The following OSBPL9 variants were observed in gnomAD, a reference collection of about 807,000 sequenced individuals.
OSBPL9 encodes oxysterol-binding protein-related protein 9.
Under a neutral mutation model 106.6 loss-of-function variants are expected in OSBPL9, and 40 were observed. That is an observed-to-expected ratio of 0.38 (90% CI 0.29 to 0.49). The LOEUF is 0.49. OSBPL9 is among the 20% of genes least tolerant of loss of function. The pLI is 0.97. For missense variants in OSBPL9, 609 were observed against 887.2 expected (o/e 0.69, Z 3.98); for synonymous variants, 269 against 295.4 (o/e 0.91, Z 0.92).
Position 51,729,676 on chromosome 1 carries a change from C to G in OSBPL9, c.318+15597C>G. The G allele has an allele frequency of 2.1e-6, 1 of 470,550 alleles. No individual in the cohort carries two copies. The highest frequency in any genetic ancestry group is 3.2e-6 in the Non-Finnish European group (1 of 311,942). 29.1% of individuals were successfully genotyped at this position (470,550 alleles called of 1,614,324 possible). A position where few individuals can be genotyped will look rare whatever the true frequency, so the allele number is the denominator to read the frequency against. ...GCCTCTCCACCCAAAACTGGCCCAA[C>G]CGCCAATCGTCTGCCTCTCACCTCC... On this transcript the variant is annotated intron_variant, in intron 4 of 23. Coordinates refer to ENST00000428468, the MANE Select transcript of OSBPL9 (RefSeq NM_024586.6). The surrounding 1 kb of genome is among the most constrained non-coding windows in gnomAD (Gnocchi z 5.1).
At chr1:51,546,531 A>T in the OSBPL9 span, among the ~76,000 whole-genome samples, 7 of 152,158 alleles carry the variant, frequency 4.6e-5, no homozygotes, top group African/African-American at 1.7e-4. Flanking sequence ...ACCTGTCTCT[A>T]CTAAAAATAC....
chr1:51,769,375 C>T (rs1041877580), intron 12 of OSBPL9, among the ~76,000 whole-genome samples: 5 of 152,120 alleles, frequency 3.3e-5, no homozygotes, highest in Non-Finnish European at 5.9e-5. Context: ...GATAAAAGTA[C>T]ATGTTGGAAA....
At chr1:51,744,893 C>CTAAA (rs1483143799) in intron 4 of OSBPL9, among the ~76,000 whole-genome samples, 1 of 152,148 alleles carries the variant, frequency 6.6e-6, no homozygotes, top group Non-Finnish European at 1.5e-5. Flanking sequence ...AGTAGGCCTT[C>CTAAA]TAAATAAATA....
At chr1:51,531,403 T>A in the OSBPL9 span, among the ~76,000 whole-genome samples, 3 of 152,190 alleles carry the variant, frequency 2.0e-5, no homozygotes, top group Non-Finnish European at 4.4e-5. Flanking sequence ...ATAATCCAGA[T>A]ATGATGATGG....
At chr1:51,614,952 C>T (rs1570544964), upstream of OSBPL9, among the ~76,000 whole-genome samples, 1 of 152,140 alleles carries the variant, frequency 6.6e-6, no homozygotes, top group South Asian at 2.1e-4. Context: ...AGCTTTGAGC[C>T]TCTCCTCAAC....
At chr1:51,602,810 G>A (rs1355353678) in intron 2 of OSBPL9, among the ~76,000 whole-genome samples, 2 of 152,088 alleles carry the variant, frequency 1.3e-5, no homozygotes, top group African/African-American at 4.8e-5. Flanking sequence ...CTGGCACAAG[G>A]ACTAGCATGC....
intron 2 of OSBPL9, among the ~76,000 whole-genome samples, chr1:51,656,406 A>G (rs1003888919): frequency 6.6e-6 from 1 of 152,030 alleles, no homozygotes; most frequent in South Asian, 2.1e-4. Context: ...CCCATCCTAT[A>G]TTTGAATCAC....
At chr1:51,682,527 A>T (rs1317780333) in intron 3 of OSBPL9, among the ~76,000 whole-genome samples, 1 of 152,082 alleles carries the variant, frequency 6.6e-6, no homozygotes, top group Non-Finnish European at 1.5e-5. Context: ...TGGGAGGCCG[A>T]GGCAGGCAGA....
chr1:51,654,772 T>C (rs1379544432), intron 2 of OSBPL9, among the ~76,000 whole-genome samples: 2 of 152,126 alleles, frequency 1.3e-5, no homozygotes, highest in African/African-American at 2.4e-5. Context: ...TGCTGCAACA[T>C]AGATGAACCT....
intron 17 of OSBPL9, among the ~76,000 whole-genome samples, chr1:51,782,855 A>G (rs746853638): frequency 3.3e-5 from 5 of 152,186 alleles, no homozygotes; most frequent in African/African-American, 7.2e-5. Context: ...GTGCGTATAA[A>G]AAGAAGGGAT....
At position 51,595,316 on chromosome 1, in the gene OSBPL9, G is replaced by A. The variant is rs115902880; in HGVS notation, c.-422-2808G>A. 6.8e-3 allele frequency among the ~76,000 whole-genome samples: 1,039 copies of A among 152,174 alleles called. 10 individuals carry two copies. The highest frequency in any genetic ancestry group is 0.021 in the African/African-American group (872 of 41,502). ...GTTGAAGTCGCTCTCACTTGATTCC[G>A]TTCGTCATCTCTCTGTCCCTCCATC... On this transcript the variant is annotated intron_variant, in intron 1 of 25. Transcript: ENST00000371714.
At chr1:51,605,568 C>T (rs919777681) in intron 2 of OSBPL9, among the ~76,000 whole-genome samples, 9 of 151,902 alleles carry the variant, frequency 5.9e-5, no homozygotes, top group Admixed American at 4.6e-4. Flanking sequence ...CAGAAATGTC[C>T]CAAGGATCAA....
At chr1:51,728,947 G>C (rs991067338) in intron 4 of OSBPL9, among the ~76,000 whole-genome samples, 1 of 152,174 alleles carries the variant, frequency 6.6e-6, no homozygotes, top group African/African-American at 2.4e-5. Flanking sequence ...GGGATAGGAA[G>C]ATACCTAACC....
intron 3 of OSBPL9, chr1:51,669,721 T>TA: frequency 1.5e-6 from 1 of 659,192 alleles, no homozygotes; most frequent in Non-Finnish European, 2.8e-6. Context: ...ACTGTGGATC[T>TA]GGCTGCAGTT....
chr1:51,618,052 C>T (rs1644187563), intron 1 of OSBPL9, among the ~76,000 whole-genome samples: 1 of 150,812 alleles, frequency 6.6e-6, no homozygotes. Context: ...GAGTCTCGCC[C>T]TGTTGCCCAG....
Position 51,761,984 on chromosome 1 carries a change from A to C in OSBPL9, c.778+13A>C. ...CCAAATAGTACAGGTACAGATTTGC[A>C]TAATTTCTTTATGTCTCATAACTCT... is the stretch of plus-strand genomic sequence containing the variant. On this transcript the variant is annotated intron_variant, in intron 11 of 23. Transcript: ENST00000428468. 6 of 1,557,132 alleles carry C rather than the reference A, an allele frequency of 3.9e-6. No homozygotes were observed. The highest frequency in any genetic ancestry group is 5.3e-6 in the Non-Finnish European group (6 of 1,128,366).
chr1:51,568,484 A>G, the OSBPL9 span, among the ~76,000 whole-genome samples: 5 of 152,154 alleles, frequency 3.3e-5, no homozygotes, highest in Admixed American at 2.0e-4. Context: ...AGAGATCATC[A>G]GTGTCTCTGA....
intron 3 of OSBPL9, among the ~76,000 whole-genome samples, chr1:51,682,630 C>T (rs572309150): frequency 3.3e-5 from 5 of 151,892 alleles, no homozygotes; most frequent in South Asian, 2.1e-4. Context: ...TGGTGGCGCG[C>T]GCCTATAATC....
intron 3 of OSBPL9, among the ~76,000 whole-genome samples, chr1:51,680,416 G>A (rs1358726252): frequency 6.6e-6 from 1 of 151,948 alleles, no homozygotes; most frequent in Non-Finnish European, 1.5e-5. Flanking sequence ...CACTTTGCAA[G>A]GCCAAGGCGG....
Sources: gnomAD v4.1 joint callset for allele counts (sites outside exome capture counted in the v4.1 genomes callset) on GRCh38, gnomAD v4.1.1 for gene constraint, Gnocchi (gnomAD v3.1) non-coding constraint, MANE v1.5 for transcripts, NCBI Gene and HGNC (gene_info 2026-07-23, HGNC 2026-07-21) for gene names.